The following C1orf94 variants were observed in gnomAD, a reference collection of about 807,000 sequenced individuals.
C1orf94 encodes uncharacterized protein C1orf94.
A neutral mutation model predicts 53.6 loss-of-function variants in C1orf94; 45 were observed. The ratio of observed to expected loss-of-function variants is 0.84; its 90% confidence interval spans 0.66 to 1.08. C1orf94 has a LOEUF of 1.08. C1orf94 is among the 50% of genes least tolerant of loss of function. C1orf94 has a pLI of 0.00. For missense variants in C1orf94, 762 were observed against 738.9 expected, an observed-to-expected ratio of 1.03 and a Z score of -0.36; for synonymous variants, 304 against 296.1, an observed-to-expected ratio of 1.03 and a Z score of -0.27.
intron 1 of C1orf94, among the ~76,000 whole-genome samples, chr1:34,190,176 C>T (rs1038622147): frequency 6.6e-6 from 1 of 152,154 alleles, no homozygotes; most frequent in Non-Finnish European, 1.5e-5. Context: ...CCTGTAAAAC[C>T]CAGCACCTAG....
At chr1:34,181,782 C>A (rs1052985859) in intron 1 of C1orf94, among the ~76,000 whole-genome samples, 10 of 152,194 alleles carry the variant, frequency 6.6e-5, no homozygotes, top group Non-Finnish European at 1.2e-4. Context: ...ATAGGAAGAG[C>A]TCCTTTAGTC....
At chr1:34,171,899 G>T (rs567077849) in intron 1 of C1orf94, among the ~76,000 whole-genome samples, 1 of 152,328 alleles carries the variant, frequency 6.6e-6, no homozygotes, top group South Asian at 2.1e-4. Flanking sequence ...GGCCTGACCA[G>T]TTCGGGTGCT....
At chr1:34,202,369 C>T (rs537379791) in intron 4 of C1orf94, 110 bp downstream of exon 4, 1 of 1,204,398 alleles carries the variant, frequency 8.3e-7, no homozygotes, top group East Asian at 2.5e-5. Flanking sequence ...TCCTCTGAAT[C>T]CCTTCCCTAC....
chr1:34,196,973 C>G (rs1642597304), intron 1 of C1orf94, among the ~76,000 whole-genome samples: 1 of 152,204 alleles, frequency 6.6e-6, no homozygotes, highest in Non-Finnish European at 1.5e-5. Context: ...CTTGCCCCAG[C>G]TCACTCAGCA....
At chr1:34,199,224 G>A (rs935826442) in intron 2 of C1orf94, among the ~76,000 whole-genome samples, 3 of 152,196 alleles carry the variant, frequency 2.0e-5, no homozygotes, top group Non-Finnish European at 4.4e-5. Context: ...ATGTCTGTGT[G>A]CCCAGACCTG....
At position 34,208,806 on chromosome 1, in the gene C1orf94, C is replaced by A. The variant is rs552465120; in HGVS notation, c.1524+572C>A. ...GATGGCAAGAGCCCAACAGGGCAAG[C>A]AGAAACACGTGATGCCTCTGAAATC... On this transcript the variant is annotated intron_variant, in intron 5 of 6. Coordinates refer to ENST00000488417, the MANE Select transcript of C1orf94 (RefSeq NM_001134734.2). 9.9e-5 allele frequency among the ~76,000 whole-genome samples: 15 copies of A among 152,230 alleles called. No individual in the cohort carries two copies. The East Asian group carries it at 2.5e-3, about 26-fold the overall frequency.
intron 6 of C1orf94, among the ~76,000 whole-genome samples, chr1:34,217,544 G>C (rs1292187069): frequency 8.5e-5 from 13 of 152,214 alleles, no homozygotes; most frequent in Admixed American, 8.5e-4. Context: ...GCTTATGAGG[G>C]ACCCACATTG....
chr1:34,191,386 C>A (rs1395718177), intron 1 of C1orf94, among the ~76,000 whole-genome samples: 2 of 152,156 alleles, frequency 1.3e-5, no homozygotes, highest in African/African-American at 4.8e-5. Context: ...TATTAGGTAG[C>A]TTCCTTTAGG....
At chr1:34,174,384 A>T (rs938033251), upstream of C1orf94, among the ~76,000 whole-genome samples, 1 of 152,264 alleles carries the variant, frequency 6.6e-6, no homozygotes, top group Non-Finnish European at 1.5e-5. Context: ...CTACAAAGCA[A>T]GTATTCTTCA....
At chr1:34,192,285 G>A (rs1007700278) in intron 1 of C1orf94, among the ~76,000 whole-genome samples, 1 of 152,194 alleles carries the variant, frequency 6.6e-6, no homozygotes, top group African/African-American at 2.4e-5. Context: ...CAAGGTCAAT[G>A]CGGGTTCTGT....
rs551087299 is a variant in C1orf94 at position 34,168,281 on chromosome 1, GAATTAATT to G, written c.-251+1126_-251+1133del. 1.7e-3 allele frequency among the ~76,000 whole-genome samples: 257 copies of G among 152,152 alleles called. 1 individual carries two copies. Among genetic ancestry groups the G allele is most frequent in the African/African-American group, 5.8e-3 (239 of 41,492 alleles). On this transcript the variant is annotated intron_variant, in intron 1 of 6. Transcript: ENST00000373374. ...TGACAGAGCCAGACTATCTGTCTATGAATTAATTAATTAATTAATTAATATAATAATAG... is the reference window on the plus strand; with the variant it reads ...TGACAGAGCCAGACTATCTGTCTATGAATTAATTAATTAATATAATAATAG...
chr1:34,189,309 CTG>C (rs1416928641), intron 1 of C1orf94, among the ~76,000 whole-genome samples: 2 of 151,616 alleles, frequency 1.3e-5, no homozygotes, highest in East Asian at 3.9e-4. Context: ...GTGTGCATGA[CTG>C]TGGTGTATGG....
At chr1:34,207,756 G>A (rs565518512) in intron 4 of C1orf94, among the ~76,000 whole-genome samples, 1 of 152,362 alleles carries the variant, frequency 6.6e-6, no homozygotes, top group South Asian at 2.1e-4. Context: ...TAGAAAAGTT[G>A]TGTGGACAGC....
intron 1 of C1orf94, among the ~76,000 whole-genome samples, chr1:34,193,567 G>A (rs1642532728): frequency 6.6e-6 from 1 of 152,228 alleles, no homozygotes; most frequent in African/African-American, 2.4e-5. Context: ...CCAGGCTGGG[G>A]GTGGGGAGGA....
intron 6 of C1orf94, among the ~76,000 whole-genome samples, chr1:34,214,594 T>C (rs1642952458): frequency 6.6e-6 from 1 of 152,140 alleles, no homozygotes; most frequent in Non-Finnish European, 1.5e-5. Context: ...GAAGATAGAC[T>C]TGCTGTAGGA....
chr1:34,199,187 A>C (rs577879051), intron 2 of C1orf94, among the ~76,000 whole-genome samples: 1 of 152,350 alleles, frequency 6.6e-6, no homozygotes, highest in African/African-American at 2.4e-5. Context: ...TAACTAAGTC[A>C]AAGGAACAAC....
At chr1:34,168,707 G>A (rs1642091447) in intron 1 of C1orf94, among the ~76,000 whole-genome samples, 1 of 152,170 alleles carries the variant, frequency 6.6e-6, no homozygotes, top group Non-Finnish European at 1.5e-5. Context: ...TTCTCCCTGT[G>A]TCCTCACATG....
intron 4 of C1orf94, among the ~76,000 whole-genome samples, chr1:34,207,571 C>T (rs1014005180): frequency 2.0e-5 from 3 of 152,176 alleles, no homozygotes; most frequent in African/African-American, 7.2e-5. Flanking sequence ...GCAACACTAA[C>T]ACACCTGGGT....
intron 2 of C1orf94, among the ~76,000 whole-genome samples, chr1:34,199,904 G>A (rs751376542): frequency 2.6e-5 from 4 of 152,126 alleles, no homozygotes; most frequent in Non-Finnish European, 5.9e-5. Flanking sequence ...GTAAGGCCTC[G>A]CTGCAACCCT....
Sources: allele counts gnomAD v4.1 joint callset (sites outside exome capture counted in the v4.1 genomes callset), GRCh38; gene constraint gnomAD v4.1.1; transcripts MANE v1.5; gene names NCBI Gene and HGNC (gene_info 2026-07-23, HGNC 2026-07-21).